Variants in FIG4 observed in about 807,000 individuals in gnomAD.
The protein encoded by FIG4 is polyphosphoinositide phosphatase.
In FIG4, 112 loss-of-function variants were observed where a neutral mutation model predicts 118.6. The ratio of observed to expected loss-of-function variants is 0.94; its 90% CI spans 0.81 to 1.11. The LOEUF is 1.11. Ranked by LOEUF, FIG4 falls within the 50% of genes least tolerant of loss-of-function variation. The probability of loss-of-function intolerance (pLI) is 0.00; values close to 1 mark genes in which losing one functional copy is unlikely to be tolerated. For synonymous variants in FIG4, 369 were observed against 381.2 expected (o/e 0.97, Z 0.37); for missense variants, 969 against 1,111.7 (o/e 0.87, Z 1.83).
rs1562651415 is a variant in FIG4, at chr6:109,732,619, T to C, written c.447-18T>C. The C allele has an allele frequency of 8.8e-7, 1 of 1,133,076 alleles. No homozygotes were observed. Among genetic ancestry groups the C allele is most frequent in the Non-Finnish European group, 1.2e-6 (1 of 803,558 alleles). The allele number at this position is 1,133,076 out of a possible 1,614,324, so 70.2% of individuals were successfully genotyped here. On this transcript the variant is annotated intron_variant, in intron 4 of 22. Transcript: ENST00000230124. ...TAGTATTGGACAAATGAAATGTACT[T>C]TGTTTTTTTTTTTTTAGGTATCTAC...
At position 109,766,882 on chromosome 6, in the gene FIG4, C is replaced by A; in HGVS notation, c.1737C>A (p.Ser579Arg). The A allele has an allele frequency of 6.2e-7, 1 of 1,613,838 alleles. No homozygotes were observed. Among genetic ancestry groups the A allele is most frequent in the Non-Finnish European group, 8.5e-7 (1 of 1,179,772 alleles). The change falls in exon 15 of 23, where the codon AGC becomes AGA. Residue 579 changes from serine to arginine, a missense_variant. This residue lies in a region of FIG4 where 246 missense variants were observed against 354.3 expected (regional missense o/e 0.69). Coordinates refer to ENST00000230124, the MANE Select transcript of FIG4 (RefSeq NM_014845.6). ...TGCAAACCCTGTCTAGATATTACAG[C>A]AATGCTTTTTCAGGTAATTCTGAAG... ...DIMQTLSRYY[S>R]NAFSDADRQD...
In FIG4 at chr6:109,756,171, T is replaced by G. The variant is rs1260309063; in HGVS notation, c.1138-4079T>G. ...TCTCAGCATTTGCTTGTCTGTAAAG[T>G]ATTTTATTTCTCCTTTACTTATGAA... On this transcript the variant is annotated intron_variant, in intron 10 of 22. Transcript: ENST00000230124. 1.2e-4 allele frequency among the ~76,000 whole-genome samples: 18 copies of G among 152,088 alleles called. 1 individual carries two copies. Among genetic ancestry groups the G allele is most frequent in the East Asian group, 5.8e-4 (3 of 5,190 alleles).
intron 18 of FIG4, among the ~76,000 whole-genome samples, chr6:109,788,822 G>A (rs1417713034): frequency 6.6e-6 from 1 of 152,132 alleles, no homozygotes; most frequent in Non-Finnish European, 1.5e-5. Context: ...CAGTGTCCTT[G>A]CCAGAAGCCA....
At chr6:109,780,738 A>G (rs915014586) in intron 16 of FIG4, among the ~76,000 whole-genome samples, 6 of 152,198 alleles carry the variant, frequency 3.9e-5, no homozygotes, top group Non-Finnish European at 5.9e-5. Flanking sequence ...TGGCATATCT[A>G]TGCCATGAAA....
Position 109,716,116 on chromosome 6 carries a change from C to T in FIG4, c.166-329C>T, listed in dbSNP as rs188913238. On this transcript the variant is annotated intron_variant, in intron 2 of 22. Transcript: ENST00000230124. ...TATGGGCCTTCTCGTTAAAGATGCACATTTACTCAAAATTTTGCACATAGT... is the reference window on the plus strand; with the variant it reads ...TATGGGCCTTCTCGTTAAAGATGCATATTTACTCAAAATTTTGCACATAGT... 2.4e-3 allele frequency among the ~76,000 whole-genome samples: 366 copies of T among 152,220 alleles called. 3 individuals are homozygous for T. The highest frequency in any genetic ancestry group is 7.4e-4 in the Non-Finnish European group (50 of 68,012).
intron 15 of FIG4, among the ~76,000 whole-genome samples, chr6:109,771,885 T>C (rs1777476437): frequency 6.6e-6 from 1 of 152,180 alleles, no homozygotes; most frequent in Admixed American, 6.5e-5. Flanking sequence ...CTCTAATGCA[T>C]CATTGCCATT....
chr6:109,692,437 T>C (rs1774503283), intron 1 of FIG4, among the ~76,000 whole-genome samples: 1 of 152,226 alleles, frequency 6.6e-6, no homozygotes, highest in Non-Finnish European at 1.5e-5. Context: ...TTTAACAGTT[T>C]CTCAGTTATA....
At chr6:109,776,315 C>T (rs1777618016) in intron 15 of FIG4, among the ~76,000 whole-genome samples, 2 of 152,180 alleles carry the variant, frequency 1.3e-5, no homozygotes, top group Non-Finnish European at 2.9e-5. Context: ...TTACCATGTG[C>T]CTTCTTTGCC....
chr6:109,814,952 GT>G (rs1171664113), intron 22 of FIG4, among the ~76,000 whole-genome samples: 1 of 151,988 alleles, frequency 6.6e-6, no homozygotes, highest in African/African-American at 2.4e-5. Flanking sequence ...AAATTTATGT[GT>G]ACATGTACAT....
At chr6:109,764,243 C>A (rs1359485714) in intron 13 of FIG4, among the ~76,000 whole-genome samples, 1 of 151,952 alleles carries the variant, frequency 6.6e-6, no homozygotes, top group Non-Finnish European at 1.5e-5. Flanking sequence ...TCGAGACCAT[C>A]CTGGCTAACA....
intron 15 of FIG4, among the ~76,000 whole-genome samples, chr6:109,773,679 G>A (rs1484065550): frequency 6.6e-6 from 1 of 152,028 alleles, no homozygotes; most frequent in Non-Finnish European, 1.5e-5. Flanking sequence ...TATTCTTGTT[G>A]TTTGTTTGTT....
At chr6:109,770,077 G>A (rs573402155) in intron 15 of FIG4, among the ~76,000 whole-genome samples, 11 of 152,272 alleles carry the variant, frequency 7.2e-5, no homozygotes, top group Non-Finnish European at 1.0e-4. Flanking sequence ...ATGCTAGCAT[G>A]CATGTTGGTC....
intron 15 of FIG4, among the ~76,000 whole-genome samples, chr6:109,772,218 C>T (rs1239859588): frequency 6.6e-6 from 1 of 152,182 alleles, no homozygotes; most frequent in Non-Finnish European, 1.5e-5. Context: ...TGAGATCTCT[C>T]AGTGGGATAT....
At chr6:109,706,913 G>C (rs1775085529) in intron 1 of FIG4, among the ~76,000 whole-genome samples, 2 of 151,974 alleles carry the variant, frequency 1.3e-5, no homozygotes, top group Admixed American at 1.3e-4. Context: ...TGTTAGATTG[G>C]TTACCCCCTC....
intron 1 of FIG4, among the ~76,000 whole-genome samples, chr6:109,693,345 C>G (rs907461335): frequency 1.3e-5 from 2 of 152,082 alleles, no homozygotes. Context: ...AATGCCACAC[C>G]CCCTCTTTTC....
chr6:109,732,703 GT>G lies in FIG4; in HGVS notation c.497+20del. The G allele has an allele frequency of 6.6e-7, 1 of 1,509,130 alleles. No homozygotes were observed. Among genetic ancestry groups the G allele is most frequent in the Non-Finnish European group, 9.2e-7 (1 of 1,092,730 alleles). The allele number at this position is 1,509,130 out of a possible 1,614,324, so 93.5% of individuals were successfully genotyped here. ...TTTACTTTAGGTAAGTGTGAGGTTA[GT>G]TTTGCTCCTATCAATCACATAAACT... On this transcript the variant is annotated intron_variant, in intron 5 of 22. Coordinates refer to ENST00000230124, the MANE Select transcript of FIG4 (RefSeq NM_014845.6).
intron 22 of FIG4, among the ~76,000 whole-genome samples, chr6:109,799,233 C>T (rs1164794288): frequency 6.6e-6 from 1 of 152,216 alleles, no homozygotes; most frequent in Non-Finnish European, 1.5e-5. Flanking sequence ...TTAACCTTTT[C>T]CACTTAATTA....
intron 1 of FIG4, among the ~76,000 whole-genome samples, chr6:109,712,346 G>A (rs768864704): frequency 1.3e-5 from 2 of 152,322 alleles, no homozygotes; most frequent in South Asian, 2.1e-4. Flanking sequence ...CCTGAAATAT[G>A]TTTTCCAAGT....
At chr6:109,793,084 T>G (rs985191329) in intron 21 of FIG4, among the ~76,000 whole-genome samples, 1 of 152,216 alleles carries the variant, frequency 6.6e-6, no homozygotes, top group Non-Finnish European at 1.5e-5. Flanking sequence ...GGTCAAATTC[T>G]GAAACATTGA....
Sources: allele counts gnomAD v4.1 joint callset (sites outside exome capture counted in the v4.1 genomes callset), GRCh38; gene constraint gnomAD v4.1.1; regional missense constraint gnomAD v4.1.1; transcripts MANE v1.5; gene names NCBI Gene and HGNC (gene_info 2026-07-23, HGNC 2026-07-21).